The following CAMK4 variants were observed in gnomAD, a reference collection of about 807,000 sequenced individuals.
The protein encoded by CAMK4 is calcium/calmodulin dependent protein kinase IV.
Under a neutral mutation model 44.9 loss-of-function variants are expected in CAMK4, and 22 were observed. The observed-to-expected ratio is 0.49, with a 90% CI of 0.35 to 0.70. CAMK4 has a LOEUF of 0.70. Ranked by LOEUF, CAMK4 falls within the 30% of genes least tolerant of loss-of-function variation. The pLI, the probability that CAMK4 is intolerant of heterozygous loss-of-function variation, is 0.01. For synonymous variants in CAMK4, 218 were observed against 215.4 expected, an observed-to-expected ratio of 1.01 and a Z score of -0.11; for missense variants, 498 against 586.8, an observed-to-expected ratio of 0.85 and a Z score of 1.56.
At chr5:111,455,436 T>C (rs1029092482) in intron 7 of CAMK4, among the ~76,000 whole-genome samples, 2 of 152,126 alleles carry the variant, frequency 1.3e-5, no homozygotes, top group Admixed American at 6.5e-5. Context: ...AAAGAGATGA[T>C]TAAATGTGGC....
At chr5:111,235,441 G>T (rs992303316) in intron 1 of CAMK4, among the ~76,000 whole-genome samples, 15 of 152,074 alleles carry the variant, frequency 9.9e-5, no homozygotes, top group Non-Finnish European at 1.9e-4. Flanking sequence ...TTCTTGACTG[G>T]AAACATTTTA....
intron 1 of CAMK4, among the ~76,000 whole-genome samples, chr5:111,251,162 C>G (rs1433725729): frequency 6.6e-6 from 1 of 152,162 alleles, no homozygotes; most frequent in East Asian, 1.9e-4. Context: ...ATTGCACTTT[C>G]ATGAAGTGAT....
At chr5:111,315,356 A>G (rs1748374645) in intron 1 of CAMK4, among the ~76,000 whole-genome samples, 1 of 152,132 alleles carries the variant, frequency 6.6e-6, no homozygotes. Context: ...ATACAGATTA[A>G]TTTGAAATAC....
intron 1 of CAMK4, among the ~76,000 whole-genome samples, chr5:111,258,577 C>T (rs980436350): frequency 6.6e-6 from 1 of 152,124 alleles, no homozygotes; most frequent in Non-Finnish European, 1.5e-5. Context: ...GATTCACTAT[C>T]ATGAGAATAG....
At chr5:111,243,220 A>G (rs1337361639) in intron 1 of CAMK4, among the ~76,000 whole-genome samples, 1 of 152,196 alleles carries the variant, frequency 6.6e-6, no homozygotes, top group Non-Finnish European at 1.5e-5. Context: ...GTGGGATTTT[A>G]TAGCCAAGGG....
intron 1 of CAMK4, among the ~76,000 whole-genome samples, chr5:111,247,102 A>G (rs1223445538): frequency 1.3e-5 from 2 of 151,972 alleles, no homozygotes; most frequent in East Asian, 3.8e-4. Context: ...AACCAATAAA[A>G]TACATATATA....
intron 4 of CAMK4, among the ~76,000 whole-genome samples, chr5:111,387,465 A>T (rs1751644752): frequency 6.6e-6 from 1 of 152,214 alleles, no homozygotes; most frequent in Non-Finnish European, 1.5e-5. Context: ...GCAATATCTA[A>T]AACTATGTAA....
intron 5 of CAMK4, among the ~76,000 whole-genome samples, chr5:111,432,075 T>C (rs1753466095): frequency 6.6e-6 from 1 of 152,186 alleles, no homozygotes; most frequent in South Asian, 2.1e-4. Context: ...TCAGCACTGT[T>C]TACAATAGCT....
At chr5:111,271,569 A>G (rs924755764) in intron 1 of CAMK4, among the ~76,000 whole-genome samples, 1 of 152,234 alleles carries the variant, frequency 6.6e-6, no homozygotes, top group Non-Finnish European at 1.5e-5. Flanking sequence ...GGGAGCAAGG[A>G]GCTGGAAGTC....
chr5:111,313,356 T>A (rs1259031518), intron 1 of CAMK4, among the ~76,000 whole-genome samples: 1 of 152,154 alleles, frequency 6.6e-6, no homozygotes, highest in Non-Finnish European at 1.5e-5. Flanking sequence ...GAGATGTTTT[T>A]TCCCTCTATT....
At chr5:111,266,711 C>T (rs1019136034) in intron 1 of CAMK4, among the ~76,000 whole-genome samples, 3 of 152,180 alleles carry the variant, frequency 2.0e-5, no homozygotes, top group Admixed American at 6.5e-5. Flanking sequence ...ATGTCTAAGC[C>T]CTGTGGCATA....
intron 1 of CAMK4, among the ~76,000 whole-genome samples, chr5:111,253,856 A>G (rs1580484266): frequency 2.0e-5 from 3 of 152,220 alleles, no homozygotes; most frequent in African/African-American, 7.2e-5. Context: ...TGTCATTATC[A>G]GCTTCATTTG....
chr5:111,437,477 A>G (rs1280648299), intron 5 of CAMK4, among the ~76,000 whole-genome samples: 3 of 152,288 alleles, frequency 2.0e-5, no homozygotes, highest in Non-Finnish European at 4.4e-5. Context: ...CTTTGTCTCT[A>G]TGGAGTTCTC....
intron 7 of CAMK4, among the ~76,000 whole-genome samples, chr5:111,470,751 AT>A (rs1755036024): frequency 6.6e-6 from 1 of 152,230 alleles, no homozygotes; most frequent in Admixed American, 6.5e-5. Context: ...ATGATTTCCT[AT>A]TGAAAGTCTC....
chr5:111,277,011 C>T (rs374966037), intron 1 of CAMK4, among the ~76,000 whole-genome samples: 16 of 152,216 alleles, frequency 1.1e-4, no homozygotes, highest in African/African-American at 2.4e-4. Context: ...TGAAATTAGA[C>T]GTTTTAAATG....
At chr5:111,234,666 G>A (rs536475064) in intron 1 of CAMK4, among the ~76,000 whole-genome samples, 1 of 152,298 alleles carries the variant, frequency 6.6e-6, no homozygotes, top group African/African-American at 2.4e-5. Context: ...AACCCTGTTA[G>A]CAAATGTGTT....
At chr5:111,285,430 C>T (rs1364484744) in intron 1 of CAMK4, among the ~76,000 whole-genome samples, 1 of 152,142 alleles carries the variant, frequency 6.6e-6, no homozygotes, top group Non-Finnish European at 1.5e-5. Flanking sequence ...TGTTCAATAA[C>T]ATAATATGTC....
At chr5:111,444,967 A>ATTAAC (rs1753974775) in intron 5 of CAMK4, among the ~76,000 whole-genome samples, 1 of 152,242 alleles carries the variant, frequency 6.6e-6, no homozygotes, top group Non-Finnish European at 1.5e-5. Flanking sequence ...TAGCAAAGAT[A>ATTAAC]TTAACATATA....
chr5:111,293,891 T>C lies in CAMK4; in HGVS notation c.162-50133T>C, dbSNP rs1747380680. ...CCTCCCGAGTAGCTGGGACTACAGG[T>C]GCCCGCCACCATGCCCGGCTAATTT... is the stretch of plus-strand genomic sequence containing the variant. On this transcript the variant is annotated intron_variant, in intron 1 of 10. Coordinates refer to ENST00000282356, the MANE Select transcript of CAMK4 (RefSeq NM_001744.6). Among the ~76,000 whole-genome samples the C allele has an allele frequency of 1.1e-4, 16 of 151,612 alleles. No homozygotes were observed. In the South Asian group the frequency reaches 3.3e-3, roughly 32 times the overall value.
Sources: allele counts gnomAD v4.1 joint callset (sites outside exome capture counted in the v4.1 genomes callset), GRCh38; gene constraint gnomAD v4.1.1; transcripts MANE v1.5; gene names NCBI Gene and HGNC (gene_info 2026-07-23, HGNC 2026-07-21).